KLHDC10: variants seen among roughly 807,000 people sequenced by gnomAD.
KLHDC10 encodes the protein kelch domain containing 10, also known as kelch domain-containing protein 10.
In KLHDC10, 24 loss-of-function variants were observed where a neutral mutation model predicts 56.1. That is an observed-to-expected ratio of 0.43 (90% CI 0.31 to 0.60). KLHDC10 has a LOEUF of 0.60. Ranked by LOEUF, KLHDC10 falls within the 20% of genes least tolerant of loss-of-function variation. The probability of loss-of-function intolerance (pLI) is 0.11; values close to 1 mark genes in which losing one functional copy is unlikely to be tolerated. For synonymous variants in KLHDC10, 188 were observed against 207.1 expected (o/e 0.91, Z 0.79); for missense variants, 349 against 567.0 (o/e 0.62, Z 3.91).
At chr7:130,094,034 C>T (rs1256630668) in intron 1 of KLHDC10, among the ~76,000 whole-genome samples, 1 of 152,136 alleles carries the variant, frequency 6.6e-6, no homozygotes, top group Non-Finnish European at 1.5e-5. Context: ...AGCAATTCTC[C>T]TGTCTCAGCC....
chr7:130,095,054 A>C (rs939050363), intron 1 of KLHDC10: 1 of 152,080 alleles, frequency 6.6e-6, no homozygotes, highest in African/African-American at 2.4e-5. Context: ...ATTAGAATGT[A>C]AACTTAAGGG....
chr7:130,107,865 A>AAT (rs1796033016), intron 2 of KLHDC10, among the ~76,000 whole-genome samples: 2 of 143,520 alleles, frequency 1.4e-5, no homozygotes, highest in Non-Finnish European at 3.1e-5. Context: ...AAAAAAAAAA[A>AAT]AAGAGCCGGA....
Position 130,135,138 on chromosome 7 carries a change from C to T in KLHDC10, c.*4392C>T, listed in dbSNP as rs1233649378. On this transcript the variant is annotated 3_prime_UTR_variant, in exon 10 of 10. Coordinates refer to ENST00000335420, the MANE Select transcript of KLHDC10 (RefSeq NM_014997.4). ...CAACTTTTTATAAGTTTTTTAAGGG[C>T]CCTGCTTAGTCAGTGTACAGGGTGG... 2.0e-5 allele frequency: 3 copies of T among 149,618 alleles called. No homozygotes were observed. Among genetic ancestry groups the T allele is most frequent in the Non-Finnish European group, 4.4e-5 (3 of 67,782 alleles). 9.3% of individuals were successfully genotyped at this position (149,618 alleles called of 1,614,324 possible).
At chr7:130,099,036 C>T (rs1795893470) in intron 2 of KLHDC10, among the ~76,000 whole-genome samples, 1 of 152,206 alleles carries the variant, frequency 6.6e-6, no homozygotes, top group Non-Finnish European at 1.5e-5. Flanking sequence ...TTTTAGTTCT[C>T]ACCTTCTTTA....
chr7:130,134,593 C>T lies in KLHDC10; in HGVS notation c.*3847C>T, dbSNP rs754388771. On this transcript the variant is annotated 3_prime_UTR_variant, in exon 10 of 10. Coordinates refer to ENST00000335420, the MANE Select transcript of KLHDC10 (RefSeq NM_014997.4). ...TGGCATGTAGGAAAGGTTGAATGAT[C>T]CTCTAAGACTGTGTTGGTCTTCGTA... 9.9e-5 allele frequency: 15 copies of T among 152,090 alleles called. No individual in the cohort carries two copies. The highest frequency in any genetic ancestry group is 1.6e-4 in the Non-Finnish European group (11 of 68,030). The allele number at this position is 152,090 out of a possible 1,614,324, so 9.4% of individuals were successfully genotyped here.
At chr7:130,085,264 T>G (rs1584620782) in intron 1 of KLHDC10, among the ~76,000 whole-genome samples, 1 of 137,308 alleles carries the variant, frequency 7.3e-6, no homozygotes, top group African/African-American at 2.8e-5. Context: ...ACCCAGGAGG[T>G]GGAGGTTGCA....
At chr7:130,096,717 A>G (rs1274181713) in intron 1 of KLHDC10, among the ~76,000 whole-genome samples, 1 of 152,216 alleles carries the variant, frequency 6.6e-6, no homozygotes, top group Non-Finnish European at 1.5e-5. Context: ...TTTTGGGGGT[A>G]AGAGTTGAAA....
At chr7:130,081,050 G>T (rs1161358517) in intron 1 of KLHDC10, among the ~76,000 whole-genome samples, 1 of 145,816 alleles carries the variant, frequency 6.9e-6, no homozygotes, top group African/African-American at 2.6e-5. Context: ...CCAGGCTGGA[G>T]TGCAGTGGCG....
At chr7:130,076,607 T>G (rs1007608839) in intron 1 of KLHDC10, among the ~76,000 whole-genome samples, 4 of 152,200 alleles carry the variant, frequency 2.6e-5, no homozygotes, top group African/African-American at 9.6e-5. Context: ...TTAAGTTAAA[T>G]GCACTTACCC....
chr7:130,108,882 C>T (rs1401116588), intron 2 of KLHDC10, among the ~76,000 whole-genome samples: 1 of 152,110 alleles, frequency 6.6e-6, no homozygotes, highest in Non-Finnish European at 1.5e-5. Flanking sequence ...TTTTCTGTTT[C>T]AACCATTTGA....
At position 130,130,556 on chromosome 7, in the gene KLHDC10, A is replaced by G. The variant is rs556851051; in HGVS notation, c.1139A>G (p.His380Arg). The G allele has an allele frequency of 6.2e-7, 1 of 1,613,990 alleles. No individual in the cohort carries two copies. Among genetic ancestry groups the G allele is most frequent in the Admixed American group, 1.7e-5 (1 of 60,002 alleles). ...TCATAGGCTGGTTGCATGTACATTC[A>G]TGGAGGAGTGGTGAACATCCATGAA... is the stretch of plus-strand genomic sequence containing the variant. ...AVTPAGCMYI[H>R]GGVVNIHENK... The change falls in exon 10 of 10, where the codon CAT (histidine) becomes CGT (arginine). Residue 380 changes from histidine (H) to arginine (R), a missense_variant. This residue lies in a region of KLHDC10 where 245 missense variants were observed against 470.1 expected (regional missense o/e 0.52). Transcript: ENST00000335420. The surrounding 1 kb of genome is among the most constrained non-coding windows in gnomAD (Gnocchi z 4.2).
chr7:130,077,369 A>AC (rs1563095651), intron 1 of KLHDC10, among the ~76,000 whole-genome samples: 1 of 148,600 alleles, frequency 6.7e-6, no homozygotes, highest in East Asian at 2.0e-4. Flanking sequence ...AAAAAAAAAA[A>AC]AAAAAAAAAA....
At chr7:130,087,207 G>A (rs1009768422) in intron 1 of KLHDC10, among the ~76,000 whole-genome samples, 64 of 152,146 alleles carry the variant, frequency 4.2e-4, no homozygotes, top group African/African-American at 1.4e-3. Flanking sequence ...TACTGTAATT[G>A]AGGTCCTCAC....
intron 1 of KLHDC10, among the ~76,000 whole-genome samples, chr7:130,072,313 A>T (rs1795426786): frequency 6.6e-6 from 1 of 152,170 alleles, no homozygotes; most frequent in Admixed American, 6.5e-5. Flanking sequence ...TGCTTGGTGC[A>T]CTTCCTCACT....
chr7:130,097,714 T>C (rs1206016461), intron 2 of KLHDC10, among the ~76,000 whole-genome samples: 1 of 152,206 alleles, frequency 6.6e-6, no homozygotes, highest in Admixed American at 6.5e-5. Flanking sequence ...GCTCATATAT[T>C]GAAGGAAGTA....
chr7:130,112,000 A>G (rs1412171568), intron 2 of KLHDC10, among the ~76,000 whole-genome samples: 1 of 152,190 alleles, frequency 6.6e-6, no homozygotes, highest in African/African-American at 2.4e-5. Flanking sequence ...GGAAAGCAGT[A>G]TGGCCCTATA....
At chr7:130,104,101 T>C (rs1388315595) in intron 2 of KLHDC10, among the ~76,000 whole-genome samples, 2 of 151,872 alleles carry the variant, frequency 1.3e-5, no homozygotes, top group African/African-American at 2.4e-5. Context: ...AAAAAAATTA[T>C]AAGAAAAATA....
At chr7:130,107,788 G>A (rs1045173924) in intron 2 of KLHDC10, among the ~76,000 whole-genome samples, 5 of 133,762 alleles carry the variant, frequency 3.7e-5, no homozygotes, top group African/African-American at 1.4e-4. Flanking sequence ...AGGTTGCAGT[G>A]AGCCAAGATC....
At position 130,131,023 on chromosome 7, in the gene KLHDC10, G is replaced by T; in HGVS notation, c.*277G>T. ...TCTCGATGGAGTTAAGGGAAAGCCT[G>T]AAAGTACCTTAATAATGTTATTAAT... On this transcript the variant is annotated 3_prime_UTR_variant, in exon 10 of 10. Coordinates refer to ENST00000335420, the MANE Select transcript of KLHDC10 (RefSeq NM_014997.4). 2.9e-6 allele frequency: 1 copy of T among 345,156 alleles called. No individual in the cohort carries two copies. The highest frequency in any genetic ancestry group is 5.4e-6 in the Non-Finnish European group (1 of 185,788). 21.4% of individuals were successfully genotyped at this position (345,156 alleles called of 1,614,324 possible). A position where few individuals can be genotyped will look rare whatever the true frequency, so the allele number is the denominator to read the frequency against.
Sources: allele counts gnomAD v4.1 joint callset (sites outside exome capture counted in the v4.1 genomes callset), GRCh38; gene constraint gnomAD v4.1.1; regional missense constraint gnomAD v4.1.1; non-coding constraint Gnocchi (gnomAD v3.1); transcripts MANE v1.5; gene names NCBI Gene and HGNC (gene_info 2026-07-23, HGNC 2026-07-21).